SCHIP1: variants seen among roughly 807,000 people sequenced by gnomAD.
The protein encoded by SCHIP1 is schwannomin-interacting protein 1.
SCHIP1 carries 8 observed loss-of-function variants against 29.7 expected under a neutral mutation model. The observed-to-expected ratio is 0.27, with a 90% confidence interval of 0.16 to 0.49. The LOEUF (loss-of-function observed/expected upper bound fraction) is 0.49. Ranked by LOEUF, SCHIP1 falls within the 20% of genes least tolerant of loss-of-function variation. SCHIP1 has a pLI of 0.99. For synonymous variants in SCHIP1, 76 were observed against 94.9 expected (o/e 0.80, Z 1.16); for missense variants, 193 against 294.6 (o/e 0.66, Z 2.52).
At chr3:159,721,989 TC>T in the SCHIP1 span, 1 of 362,542 alleles carries the variant, frequency 2.8e-6, no homozygotes, top group Non-Finnish European at 5.4e-6. Context: ...TTCCTTATGT[TC>T]CATAGTCTCT....
chr3:159,533,117 G>T, the SCHIP1 span, among the ~76,000 whole-genome samples: 2 of 152,148 alleles, frequency 1.3e-5, no homozygotes, highest in Non-Finnish European at 2.9e-5. Flanking sequence ...AGATGAGTAT[G>T]CAAACTACAA....
chr3:159,372,961 C>T, the SCHIP1 span, among the ~76,000 whole-genome samples: 1 of 151,928 alleles, frequency 6.6e-6, no homozygotes, highest in Non-Finnish European at 1.5e-5. Context: ...TTTGCTGACT[C>T]CTGCTTTAGA....
the SCHIP1 span, among the ~76,000 whole-genome samples, chr3:159,393,709 T>C: frequency 1.3e-5 from 2 of 151,090 alleles, no homozygotes; most frequent in Non-Finnish European, 3.0e-5. Context: ...CTGTTTTGGT[T>C]ACTGTAGCCT....
At chr3:159,681,774 T>C in the SCHIP1 span, among the ~76,000 whole-genome samples, 8 of 134,598 alleles carry the variant, frequency 5.9e-5, 1 homozygote, top group African/African-American at 2.6e-4. Context: ...ATTAACTTGG[T>C]TTAACTCAAC....
intron 1 of SCHIP1, among the ~76,000 whole-genome samples, chr3:159,858,993 A>G (rs891415293): frequency 3.3e-5 from 5 of 152,252 alleles, no homozygotes; most frequent in African/African-American, 1.2e-4. Context: ...CTGAAATGGA[A>G]AATGTCACAA....
At chr3:159,781,911 C>A in the SCHIP1 span, among the ~76,000 whole-genome samples, 7 of 152,224 alleles carry the variant, frequency 4.6e-5, no homozygotes, top group Non-Finnish European at 8.8e-5. Context: ...TTTTAAAAAG[C>A]AAGCATGTTC....
the SCHIP1 span, among the ~76,000 whole-genome samples, chr3:159,717,100 T>A: frequency 6.6e-6 from 1 of 151,158 alleles, no homozygotes; most frequent in Non-Finnish European, 1.5e-5. Flanking sequence ...AAACCACTCA[T>A]GGAAACTGAA....
the SCHIP1 span, among the ~76,000 whole-genome samples, chr3:159,356,408 C>T: frequency 5.3e-5 from 8 of 152,108 alleles, no homozygotes; most frequent in South Asian, 1.2e-3. Flanking sequence ...AGGTTGTGCT[C>T]GGGCTTTGAT....
chr3:159,368,813 G>C, the SCHIP1 span, among the ~76,000 whole-genome samples: 1 of 152,182 alleles, frequency 6.6e-6, no homozygotes, highest in African/African-American at 2.4e-5. Context: ...GAGTTTGGAA[G>C]TCAGCAAGTG....
the SCHIP1 span, among the ~76,000 whole-genome samples, chr3:159,493,003 G>A: frequency 2.6e-5 from 4 of 152,184 alleles, no homozygotes; most frequent in African/African-American, 9.7e-5. Flanking sequence ...GCCAAACTAA[G>A]CTTCATAAGT....
chr3:159,347,535 A>G, the SCHIP1 span, among the ~76,000 whole-genome samples: 1 of 152,218 alleles, frequency 6.6e-6, no homozygotes, highest in East Asian at 1.9e-4. Flanking sequence ...AATGTGAAAT[A>G]CTTTATTAAT....
the SCHIP1 span, among the ~76,000 whole-genome samples, chr3:159,779,742 G>A: frequency 2.6e-5 from 4 of 151,382 alleles, no homozygotes; most frequent in Admixed American, 6.6e-5. Context: ...CAACAGGATC[G>A]GTAATTTCCT....
At chr3:159,448,123 C>T in the SCHIP1 span, among the ~76,000 whole-genome samples, 1 of 152,140 alleles carries the variant, frequency 6.6e-6, no homozygotes, top group Admixed American at 6.6e-5. Flanking sequence ...TCCTTGACCA[C>T]CTGATGATGT....
At chr3:159,427,146 A>AG in the SCHIP1 span, among the ~76,000 whole-genome samples, 127 of 152,216 alleles carry the variant, frequency 8.3e-4, no homozygotes, top group African/African-American at 2.7e-3. Flanking sequence ...GGCACAAGAC[A>AG]GGATGCCCTC....
At chr3:159,814,928 C>G in the SCHIP1 span, among the ~76,000 whole-genome samples, 1 of 152,188 alleles carries the variant, frequency 6.6e-6, no homozygotes, top group Non-Finnish European at 1.5e-5. Flanking sequence ...TCAAGTAAGT[C>G]TGGGTGACAC....
At chr3:159,641,751 C>T in the SCHIP1 span, among the ~76,000 whole-genome samples, 1 of 152,166 alleles carries the variant, frequency 6.6e-6, no homozygotes, top group African/African-American at 2.4e-5. Context: ...GCCCACTCTT[C>T]ACAGTGGATA....
chr3:159,481,783 T>C, the SCHIP1 span, among the ~76,000 whole-genome samples: 3 of 152,306 alleles, frequency 2.0e-5, no homozygotes, highest in South Asian at 4.1e-4. Flanking sequence ...GTAATTACTA[T>C]ACTTAACATT....
intron 6 of SCHIP1, 95 bp downstream of exon 7, chr3:159,892,285 C>G: frequency 7.0e-7 from 1 of 1,419,768 alleles, no homozygotes; most frequent in Non-Finnish European, 9.8e-7. Context: ...ACTTCTTCCT[C>G]TACTTCCATA....
chr3:159,832,768 C>T, the SCHIP1 span, among the ~76,000 whole-genome samples: 1 of 152,314 alleles, frequency 6.6e-6, no homozygotes, highest in South Asian at 2.1e-4. Context: ...GTCTCCTTTG[C>T]ATCCCCTTGC....
Sources: gnomAD v4.1 joint callset for allele counts (sites outside exome capture counted in the v4.1 genomes callset) on GRCh38, gnomAD v4.1.1 for gene constraint, MANE v1.5 for transcripts, NCBI Gene and HGNC (gene_info 2026-07-23, HGNC 2026-07-21) for gene names.